Variants in GPR161 observed in about 807,000 individuals in gnomAD.
GPR161 encodes the protein G protein-coupled receptor 161.
GPR161 carries 25 observed loss-of-function variants against 39.2 expected under a neutral mutation model. The ratio of observed to expected loss-of-function variants is 0.64; its 90% CI spans 0.47 to 0.89. GPR161 has a LOEUF of 0.89. Ranked by LOEUF, GPR161 falls within the 40% of genes least tolerant of loss-of-function variation. The probability of loss-of-function intolerance (pLI) is 0.00; values close to 1 mark genes in which losing one functional copy is unlikely to be tolerated. For synonymous variants in GPR161, 286 were observed against 276.6 expected (o/e 1.03, Z -0.34); for missense variants, 547 against 677.8 (o/e 0.81, Z 2.14).
At position 168,085,298 on chromosome 1, in the gene GPR161, C is replaced by T; in HGVS notation, c.*233G>A. 1.7e-6 allele frequency: 1 copy of T among 589,962 alleles called. No homozygotes were observed. The highest frequency in any genetic ancestry group is 3.0e-6 in the Non-Finnish European group (1 of 331,382). 36.5% of individuals were successfully genotyped at this position (589,962 alleles called of 1,614,324 possible). ...TTTTTGCTTTAGATGCTTCTGGTCC[C>T]ATCACTGGGACCTAAAAGAAGCTCA... On this transcript the variant is annotated 3_prime_UTR_variant, in exon 6 of 6. Transcript: ENST00000682931.
At chr1:168,135,974 C>T (rs372938077) in intron 1 of GPR161, 1 of 1,116,890 alleles carries the variant, frequency 9.0e-7, no homozygotes, top group East Asian at 3.5e-5. Context: ...TACTGGTGAG[C>T]AGACCTCCGG....
intron 5 of GPR161, among the ~76,000 whole-genome samples, chr1:168,087,176 C>T (rs1046981194): frequency 3.9e-5 from 6 of 152,184 alleles, no homozygotes; most frequent in Non-Finnish European, 8.8e-5. Flanking sequence ...GTAGGAGCGA[C>T]GGACAAGCAA....
At chr1:168,108,231 C>T (rs913236319) in intron 1 of GPR161, among the ~76,000 whole-genome samples, 1 of 152,054 alleles carries the variant, frequency 6.6e-6, no homozygotes, top group African/African-American at 2.4e-5. Context: ...AACTCACTCA[C>T]TCCCACAAGA....
At position 168,080,788 on chromosome 1, in the gene GPR161, T is replaced by TTTGA. The variant is rs1439749322; in HGVS notation, c.*4739_*4742dup. 1 of 152,288 alleles carries TTTGA rather than the reference T, an allele frequency of 6.6e-6. No homozygotes were observed. The highest frequency in any genetic ancestry group is 1.5e-5 in the Non-Finnish European group (1 of 68,082). 9.4% of individuals were successfully genotyped at this position (152,288 alleles called of 1,614,324 possible). A position where few individuals can be genotyped will look rare whatever the true frequency, so the allele number is the denominator to read the frequency against. On this transcript the variant is annotated 3_prime_UTR_variant, in exon 6 of 6. Coordinates refer to ENST00000682931, the MANE Select transcript of GPR161 (RefSeq NM_001375883.1). The stretch of plus-strand genomic sequence containing the variant: ...ACCAGGCCCTGGGGATTTGATCATC[T>TTTGA]TTGATAGTCATTCCGGACAAATTAG...
At chr1:168,136,574 C>G (rs1699392243) in intron 1 of GPR161, 165 bp downstream of exon 1, 9 of 1,243,206 alleles carry the variant, frequency 7.2e-6, no homozygotes, top group Non-Finnish European at 9.1e-6. Context: ...GAGGACAGCC[C>G]TGACCTCCGA....
chr1:168,094,150 T>C (rs1051747557), intron 3 of GPR161, among the ~76,000 whole-genome samples: 1 of 152,260 alleles, frequency 6.6e-6, no homozygotes, highest in Non-Finnish European at 1.5e-5. Context: ...GCAAGTGACT[T>C]GCATGGAAAA....
intron 1 of GPR161, among the ~76,000 whole-genome samples, chr1:168,131,917 G>T (rs920064556): frequency 6.6e-6 from 1 of 152,152 alleles, no homozygotes; most frequent in African/African-American, 2.4e-5. Flanking sequence ...GGAATTAGAG[G>T]AAGTGTAAGC....
chr1:168,096,357 G>T, intron 3 of GPR161, 151 bp downstream of exon 3: 1 of 778,004 alleles, frequency 1.3e-6, no homozygotes, highest in Non-Finnish European at 2.0e-6. Context: ...TCACAGCGGA[G>T]CCTCTGGAAT....
In GPR161 at chr1:168,104,855, A is replaced by T. The variant is rs200635937; in HGVS notation, c.-5T>A. ...GAGGGAGGAGTTGAGGCTCATGGTCAGTGCACCTCGGCGTGGGGTGGGCAG... is the reference window on the plus strand; with the variant it reads ...GAGGGAGGAGTTGAGGCTCATGGTCTGTGCACCTCGGCGTGGGGTGGGCAG... On this transcript the variant is annotated 5_prime_UTR_variant, in exon 2 of 6. It removes the in-frame stop codon of an upstream open reading frame in the 5' UTR. Transcript: ENST00000682931. The T allele has an allele frequency of 1.6e-3, 2,596 of 1,612,380 alleles. 50 individuals carry two copies. The South Asian group carries it at 0.023, about 14-fold the overall frequency.
rs1205658142 is a variant in GPR161, at chr1:168,082,040, TATC to T, written c.*3488_*3490del. Reference sequence around the variant, plus strand: ...TGAAGAGACTAACCATCTGTCATTGTATCAAAGCATTTTTCCTCCGTCTCCTGT... The same window carrying T: ...TGAAGAGACTAACCATCTGTCATTGTAAAGCATTTTTCCTCCGTCTCCTGT... On this transcript the variant is annotated 3_prime_UTR_variant, in exon 6 of 6. Transcript: ENST00000682931. 1 of 152,256 alleles carries T rather than the reference TATC, an allele frequency of 6.6e-6. No homozygotes were observed. Among genetic ancestry groups the T allele is most frequent in the African/African-American group, 2.4e-5 (1 of 41,464 alleles). 9.4% of individuals were successfully genotyped at this position (152,256 alleles called of 1,614,324 possible). A position where few individuals can be genotyped will look rare whatever the true frequency, so the allele number is the denominator to read the frequency against.
At chr1:168,101,362 T>C (rs547411519) in intron 2 of GPR161, among the ~76,000 whole-genome samples, 1 of 152,290 alleles carries the variant, frequency 6.6e-6, no homozygotes, top group South Asian at 2.1e-4. Flanking sequence ...GGGGAGGTGT[T>C]CCAGCATCTG....
intron 2 of GPR161, among the ~76,000 whole-genome samples, chr1:168,101,654 G>A (rs1572291046): frequency 6.6e-6 from 1 of 152,144 alleles, no homozygotes; most frequent in Non-Finnish European, 1.5e-5. Context: ...CTGCAAAATC[G>A]GGGCTAACAA....
intron 1 of GPR161, among the ~76,000 whole-genome samples, chr1:168,115,423 C>T (rs1349045289): frequency 6.6e-6 from 1 of 152,158 alleles, no homozygotes; most frequent in African/African-American, 2.4e-5. Flanking sequence ...CCTGCCTCAG[C>T]CTCCTCTTTT....
intron 1 of GPR161, among the ~76,000 whole-genome samples, chr1:168,119,258 G>GTATA (rs1491461176): frequency 1.1e-5 from 1 of 94,958 alleles, no homozygotes; most frequent in Admixed American, 1.0e-4. Context: ...ATATATATAC[G>GTATA]TATATATATG....
chr1:168,114,983 G>A (rs1184654660), intron 1 of GPR161, among the ~76,000 whole-genome samples: 3 of 152,104 alleles, frequency 2.0e-5, no homozygotes, highest in East Asian at 1.9e-4. Flanking sequence ...CCCTAGGTCC[G>A]GGATTTTGTC....
chr1:168,096,629 G>C lies in GPR161; in HGVS notation c.978C>G (p.Leu326=). 6.2e-7 allele frequency: 1 copy of C among 1,614,214 alleles called. No homozygotes were observed. Among genetic ancestry groups the C allele is most frequent in the Non-Finnish European group, 8.5e-7 (1 of 1,180,042 alleles). ...GTTCTTTGCGAACTGTCTTGTTCCA[G>C]AGTCCATAGATCAGGGGGTGGCAGA... The part of the protein sequence containing the change: ...SAVCHPLIYG[L]WNKTVRKELL... Residue 326 remains leucine (L), a synonymous_variant, in exon 3 of 6, where the codon CTC becomes CTG. Coordinates refer to ENST00000682931, the MANE Select transcript of GPR161 (RefSeq NM_001375883.1).
rs1696888171 is a variant in GPR161, at chr1:168,108,969, T to C, written c.-44-4075A>G. 5.3e-5 allele frequency among the ~76,000 whole-genome samples: 8 copies of C among 152,200 alleles called. No homozygotes were observed. In the South Asian group the frequency reaches 1.7e-3, roughly 32 times the overall value. On this transcript the variant is annotated intron_variant, in intron 1 of 5. Coordinates refer to ENST00000682931, the MANE Select transcript of GPR161 (RefSeq NM_001375883.1). ...GAGATAAACGATACAAATTACAGAATGGGGGGAGGTGAGAAAACACCTTGT... is the reference window on the plus strand; with the variant it reads ...GAGATAAACGATACAAATTACAGAACGGGGGGAGGTGAGAAAACACCTTGT...
chr1:168,121,799 G>A (rs575155855), intron 1 of GPR161, among the ~76,000 whole-genome samples: 57 of 152,300 alleles, frequency 3.7e-4, no homozygotes, highest in African/African-American at 1.3e-3. Flanking sequence ...CATTCCCTCC[G>A]TGGGAGAGGG....
chr1:168,096,585 C>T lies in GPR161; in HGVS notation c.1022G>A (p.Gly341Glu). The T allele has an allele frequency of 7.4e-6, 12 of 1,614,198 alleles. No homozygotes were observed. Among genetic ancestry groups the T allele is most frequent in the Non-Finnish European group, 1.0e-5 (12 of 1,180,012 alleles). Residue 341 changes from glycine (G) to glutamate (E), a missense_variant, in exon 3 of 6, where the codon GGG becomes GAG. Gly to Glu is a moderately conservative substitution (Grantham distance 98, BLOSUM62 -2). Coordinates refer to ENST00000682931, the MANE Select transcript of GPR161 (RefSeq NM_001375883.1). ...AAATGGTTCCCGATAATACCGGTCC[C>T]CAAAGCACATGCCCAGTAGTTCTTT... ...VRKELLGMCF[G>E]DRYYREPFVQ...
Sources: gnomAD v4.1 joint callset for allele counts (sites outside exome capture counted in the v4.1 genomes callset) on GRCh38, gnomAD v4.1.1 for gene constraint, MANE v1.5 for transcripts, NCBI Gene and HGNC (gene_info 2026-07-23, HGNC 2026-07-21) for gene names.